ADAMTS19: variants seen among roughly 807,000 people sequenced by gnomAD.
ADAMTS19 encodes A disintegrin and metalloproteinase with thrombospondin motifs 19.
In ADAMTS19, 93 loss-of-function variants were observed where a neutral mutation model predicts 153.3. The observed-to-expected ratio is 0.61, with a 90% CI of 0.51 to 0.72. The LOEUF is 0.72. Among genes scored for constraint, ADAMTS19 ranks in the 30% least tolerant of loss-of-function variants. ADAMTS19 has a pLI of 0.00. For synonymous variants in ADAMTS19, 600 were observed against 556.6 expected, an observed-to-expected ratio of 1.08 and a Z score of -1.10; for missense variants, 1,482 against 1,552.1, an observed-to-expected ratio of 0.95 and a Z score of 0.76.
At position 129,667,739 on chromosome 5, in the gene ADAMTS19, C is replaced by T. The variant is rs115899890; in HGVS notation, c.2506+2160C>T. Among the ~76,000 whole-genome samples the T allele has an allele frequency of 4.4e-3, 677 of 152,202 alleles. 6 individuals are homozygous for T. The highest frequency in any genetic ancestry group is 0.015 in the African/African-American group (627 of 41,524). ...CATACTTCCTATACAGCCCACAGAA[C>T]CGAGAGCCAATTAAATCTATTTTCT... On this transcript the variant is annotated intron_variant, in intron 16 of 22. Transcript: ENST00000274487.
chr5:129,647,765 TGGTGTAAG>T lies in ADAMTS19; in HGVS notation c.1875_1882del (p.Trp625CysfsTer12). The T allele has an allele frequency of 6.2e-7, 1 of 1,613,380 alleles. No homozygotes were observed. ...ACCTAAGACATAACTTTTGGAATAG[TGGTGTAAG>T]GCTGGAGAATGTACCAGCAGGACCT... On this transcript the variant is annotated frameshift_variant and splice_region_variant, in exon 12 of 23. Transcript: ENST00000274487. LOFTEE classifies it high-confidence loss of function.
intron 7 of ADAMTS19, among the ~76,000 whole-genome samples, chr5:129,594,707 T>C (rs1229280786): frequency 6.6e-6 from 1 of 152,140 alleles, no homozygotes; most frequent in Non-Finnish European, 1.5e-5. Context: ...TTATCTTTTA[T>C]GTTTAAATCA....
chr5:129,658,485 T>G, intron 14 of ADAMTS19, 132 bp from the exon 15 acceptor site: 2 of 902,470 alleles, frequency 2.2e-6, no homozygotes, highest in Non-Finnish European at 3.2e-6. Flanking sequence ...GAATGACATT[T>G]TATAATATGA....
chr5:129,548,420 G>GA (rs1299884319), intron 6 of ADAMTS19, among the ~76,000 whole-genome samples: 2 of 151,706 alleles, frequency 1.3e-5, no homozygotes, highest in Admixed American at 6.6e-5. Context: ...AAAAACACAT[G>GA]AAAAATGCTC....
intron 8 of ADAMTS19, among the ~76,000 whole-genome samples, chr5:129,607,553 G>A (rs1750961730): frequency 6.6e-6 from 1 of 152,116 alleles, no homozygotes; most frequent in Non-Finnish European, 1.5e-5. Context: ...CAATTGTCTT[G>A]ACTAAGTAAT....
chr5:129,588,744 T>C (rs1749946737), intron 7 of ADAMTS19, among the ~76,000 whole-genome samples: 1 of 151,752 alleles, frequency 6.6e-6, no homozygotes, highest in Admixed American at 6.6e-5. Flanking sequence ...TTTTATTTGG[T>C]GATTCTTTGT....
chr5:129,617,867 T>C (rs771196634), intron 8 of ADAMTS19, among the ~76,000 whole-genome samples: 7 of 152,116 alleles, frequency 4.6e-5, no homozygotes, highest in Non-Finnish European at 1.0e-4. Flanking sequence ...GAATTTAATA[T>C]AATTAATGAT....
At chr5:129,524,682 C>A (rs1345744265) in intron 3 of ADAMTS19, among the ~76,000 whole-genome samples, 1 of 151,466 alleles carries the variant, frequency 6.6e-6, no homozygotes, top group Non-Finnish European at 1.5e-5. Context: ...ATTTATGCAG[C>A]CAGTGAAGTG....
chr5:129,607,464 C>T (rs751438572), intron 8 of ADAMTS19, among the ~76,000 whole-genome samples: 19 of 152,082 alleles, frequency 1.2e-4, no homozygotes, highest in Non-Finnish European at 2.5e-4. Flanking sequence ...TATGAATGCT[C>T]ATCTGTTGGT....
chr5:129,618,946 A>G (rs1751653364), intron 8 of ADAMTS19, among the ~76,000 whole-genome samples: 1 of 152,052 alleles, frequency 6.6e-6, no homozygotes, highest in Non-Finnish European at 1.5e-5. Flanking sequence ...TTGGTTACAG[A>G]GTCTCAAGAA....
chr5:129,590,645 C>A (rs1219268899), intron 7 of ADAMTS19, among the ~76,000 whole-genome samples: 1 of 152,112 alleles, frequency 6.6e-6, no homozygotes, highest in Non-Finnish European at 1.5e-5. Flanking sequence ...AAACTTGTAA[C>A]TTCCGTAAGA....
At chr5:129,713,128 A>G (rs1430487828) in intron 21 of ADAMTS19, among the ~76,000 whole-genome samples, 1 of 152,202 alleles carries the variant, frequency 6.6e-6, no homozygotes, top group Non-Finnish European at 1.5e-5. Flanking sequence ...GTTACTTTTG[A>G]TATTCCTTAT....
intron 18 of ADAMTS19, among the ~76,000 whole-genome samples, chr5:129,691,314 G>C (rs1755325571): frequency 6.6e-6 from 1 of 152,070 alleles, no homozygotes; most frequent in South Asian, 2.1e-4. Context: ...CTAATTTAAT[G>C]GGAATGACCA....
At chr5:129,648,008 T>G (rs975438954) in intron 12 of ADAMTS19, 113 bp downstream of exon 12, 23 of 1,201,642 alleles carry the variant, frequency 1.9e-5, no homozygotes, top group Non-Finnish European at 2.5e-5. Flanking sequence ...CTACTCACGT[T>G]GGAAAACAGA....
chr5:129,676,972 T>C (rs910119288), intron 16 of ADAMTS19, among the ~76,000 whole-genome samples: 2 of 152,096 alleles, frequency 1.3e-5, no homozygotes, highest in Non-Finnish European at 2.9e-5. Context: ...GCCCTAAAAA[T>C]GTACTGAATA....
At chr5:129,531,314 AAC>A (rs982167303) in intron 6 of ADAMTS19, among the ~76,000 whole-genome samples, 2 of 152,140 alleles carry the variant, frequency 1.3e-5, no homozygotes, top group African/African-American at 4.8e-5. Flanking sequence ...GAAGAATCAA[AAC>A]AGTTTTGAAA....
chr5:129,591,862 T>C (rs572688698), intron 7 of ADAMTS19, among the ~76,000 whole-genome samples: 4 of 152,000 alleles, frequency 2.6e-5, no homozygotes, highest in Non-Finnish European at 4.4e-5. Context: ...ATCCATCTGA[T>C]CACATAAAAA....
chr5:129,676,672 A>T (rs994710352), intron 16 of ADAMTS19, among the ~76,000 whole-genome samples: 5 of 152,232 alleles, frequency 3.3e-5, no homozygotes, highest in Non-Finnish European at 5.9e-5. Flanking sequence ...TAGGAGAGCT[A>T]ATACAGTTTT....
intron 21 of ADAMTS19, among the ~76,000 whole-genome samples, chr5:129,705,645 A>T (rs781048214): frequency 1.3e-5 from 2 of 152,254 alleles, no homozygotes; most frequent in Non-Finnish European, 2.9e-5. Context: ...TGACTGGTGA[A>T]TCACATAAGG....
Sources: gnomAD v4.1 joint callset for allele counts (sites outside exome capture counted in the v4.1 genomes callset) on GRCh38, gnomAD v4.1.1 for gene constraint, MANE v1.5 for transcripts, NCBI Gene and HGNC (gene_info 2026-07-23, HGNC 2026-07-21) for gene names.